HIF3A: variants seen among roughly 807,000 people sequenced by gnomAD.
HIF3A encodes the protein hypoxia-inducible factor 3-alpha.
A neutral mutation model predicts 67.2 loss-of-function variants in HIF3A; 41 were observed. The observed-to-expected ratio is 0.61, with a 90% CI of 0.48 to 0.79. HIF3A has a LOEUF of 0.79. HIF3A is among the 30% of genes least tolerant of loss of function. HIF3A has a pLI of 0.00. For missense variants in HIF3A, 855 were observed against 898.0 expected, an observed-to-expected ratio of 0.95 and a Z score of 0.61; for synonymous variants, 356 against 374.8, an observed-to-expected ratio of 0.95 and a Z score of 0.58.
At position 46,297,497 on chromosome 19, in the gene HIF3A, T is replaced by C. The variant is rs1035017701; in HGVS notation, c.26+395T>C. ...CCTCTGGCCTCTGAACCCCCCAAAA[T>C]TGAGGGTATTCTTTGCCACCAGGTG... On this transcript the variant is annotated intron_variant, in intron 1 of 14. Transcript: ENST00000377670. This position sits in a 1 kb window ranked among gnomAD's most constrained non-coding sequence, Gnocchi z 4.5. Among the ~76,000 whole-genome samples the C allele has an allele frequency of 2.6e-5, 4 of 152,054 alleles. No individual in the cohort carries two copies. The highest frequency in any genetic ancestry group is 9.7e-5 in the African/African-American group (4 of 41,406).
chr19:46,303,032 G>A (rs1043189899), intron 1 of HIF3A, among the ~76,000 whole-genome samples: 2 of 152,180 alleles, frequency 1.3e-5, no homozygotes, highest in African/African-American at 4.8e-5. Context: ...GTAGACCATT[G>A]TTTAAAGGCA....
At chr19:46,302,429 C>T (rs1968423743) in intron 1 of HIF3A, among the ~76,000 whole-genome samples, 1 of 151,112 alleles carries the variant, frequency 6.6e-6, no homozygotes. Flanking sequence ...TGCGCCCGGC[C>T]TGTTTTTTGT....
chr19:46,339,694 A>G lies in HIF3A; in HGVS notation c.*72A>G. The G allele has an allele frequency of 8.7e-7, 1 of 1,146,246 alleles. No individual in the cohort carries two copies. 71.0% of individuals were successfully genotyped at this position (1,146,246 alleles called of 1,614,324 possible). A position where few individuals can be genotyped will look rare whatever the true frequency, so the allele number is the denominator to read the frequency against. On this transcript the variant is annotated 3_prime_UTR_variant, in exon 15 of 15. Coordinates refer to ENST00000377670, the MANE Select transcript of HIF3A (RefSeq NM_152795.4). Reference sequence around the variant, plus strand: ...CAACCACACTCCACGCCGGCAGCCAACGCACAGGATGGGGGCGCCAGGAGA... The same window carrying G: ...CAACCACACTCCACGCCGGCAGCCAGCGCACAGGATGGGGGCGCCAGGAGA...
At position 46,312,630 on chromosome 19, in the gene HIF3A, C is replaced by A; in HGVS notation, c.1002C>A (p.Ile334=). ...SGGRGPQSES[I]VCVHFLISQV... ...GACGGGGCCCCCAGTCGGAGAGTAT[C>A]GTCTGTGTCCATTTTTTAATCAGGT... The change falls in exon 8 of 15, where the codon ATC becomes ATA. Residue 334 remains isoleucine (I), a synonymous_variant. Transcript: ENST00000377670. 1 of 1,567,062 alleles carries A rather than the reference C, an allele frequency of 6.4e-7. No homozygotes were observed. Among genetic ancestry groups the A allele is most frequent in the South Asian group, 1.2e-5 (1 of 84,058 alleles).
At chr19:46,307,549 A>T (rs888777641) in intron 3 of HIF3A, among the ~76,000 whole-genome samples, 1 of 152,178 alleles carries the variant, frequency 6.6e-6, no homozygotes, top group African/African-American at 2.4e-5. Context: ...GGAGTTCGAG[A>T]CCAACCTGGC....
At chr19:46,303,719 G>T in intron 1 of HIF3A, 179 bp from the exon 2 acceptor site, 1 of 1,562,400 alleles carries the variant, frequency 6.4e-7, no homozygotes, top group Non-Finnish European at 8.7e-7. Context: ...GCTCCACAGT[G>T]TAGCCCTTCC....
chr19:46,309,116 G>A, intron 5 of HIF3A, 35 bp from the exon 6 acceptor site: 3 of 1,577,246 alleles, frequency 1.9e-6, no homozygotes, highest in Non-Finnish European at 2.6e-6. Flanking sequence ...AGGCCCAGAG[G>A]CACCACTGCC....
intron 1 of HIF3A, among the ~76,000 whole-genome samples, chr19:46,298,041 C>G (rs547096780): frequency 3.2e-4 from 49 of 152,200 alleles, no homozygotes; most frequent in Admixed American, 2.7e-3. Flanking sequence ...GCCCTGGGGC[C>G]GCTGCCGGGG....
At chr19:46,331,297 T>G (rs768801100) in intron 13 of HIF3A, 24 bp downstream of exon 13, 1 of 1,569,368 alleles carries the variant, frequency 6.4e-7, no homozygotes, top group Non-Finnish European at 8.8e-7. Context: ...TTAATGGGAT[T>G]CTCTGGCCCT....
At chr19:46,309,387 C>T in intron 6 of HIF3A, 28 bp downstream of exon 6, 1 of 1,521,460 alleles carries the variant, frequency 6.6e-7, no homozygotes, top group African/African-American at 1.4e-5. Context: ...CTTCCGTCTG[C>T]CCAAGTTCAA....
At chr19:46,306,039 A>T (rs1370775516) in intron 3 of HIF3A, among the ~76,000 whole-genome samples, 2 of 152,210 alleles carry the variant, frequency 1.3e-5, no homozygotes, top group African/African-American at 2.4e-5. Flanking sequence ...AGATTGCACC[A>T]GTACACTCCA....
chr19:46,303,777 G>T (rs113691430), intron 1 of HIF3A, 121 bp from the exon 2 acceptor site: 2 of 1,493,234 alleles, frequency 1.3e-6, no homozygotes. Flanking sequence ...ATCGAGGCCT[G>T]CGCAGCCGCG....
chr19:46,306,594 T>G (rs1568504234), intron 3 of HIF3A: 1 of 152,256 alleles, frequency 6.6e-6, no homozygotes, highest in Non-Finnish European at 1.5e-5. Context: ...TAGAACTAAC[T>G]TTAATTCATC....
chr19:46,304,230 A>T (rs1601200845), intron 2 of HIF3A, 142 bp downstream of exon 2: 2 of 680,196 alleles, frequency 2.9e-6, no homozygotes, highest in Admixed American at 5.6e-5. Context: ...GCGGAGCCCC[A>T]CCCCCCTGGA....
At chr19:46,331,340 T>C in intron 13 of HIF3A, 67 bp downstream of exon 13, 2 of 1,305,770 alleles carry the variant, frequency 1.5e-6, no homozygotes, top group East Asian at 2.3e-5. Flanking sequence ...TACTGTTTTA[T>C]AGATAGGAAA....
chr19:46,321,111 C>G (rs563945151), intron 9 of HIF3A, among the ~76,000 whole-genome samples: 1 of 152,124 alleles, frequency 6.6e-6, no homozygotes, highest in Non-Finnish European at 1.5e-5. Context: ...TTTTCTGGCT[C>G]AGAGCTGGCT....
intron 1 of HIF3A, among the ~76,000 whole-genome samples, chr19:46,302,293 G>A (rs940420317): frequency 2.0e-5 from 3 of 152,004 alleles, no homozygotes; most frequent in Non-Finnish European, 4.4e-5. Context: ...ACCACGCCCA[G>A]CTAATTTTTT....
intron 8 of HIF3A, chr19:46,313,030 G>T (rs1298934314): frequency 2.1e-6 from 2 of 968,008 alleles, no homozygotes; most frequent in East Asian, 2.2e-4. Context: ...TGGGCGGATT[G>T]CCTGAGCTCA....
intron 11 of HIF3A, among the ~76,000 whole-genome samples, chr19:46,326,543 C>T (rs1970795343): frequency 6.6e-6 from 1 of 152,042 alleles, no homozygotes; most frequent in African/African-American, 2.4e-5. Context: ...ATACACTCAC[C>T]CACCTCTCAA....
Sources: allele counts gnomAD v4.1 joint callset (sites outside exome capture counted in the v4.1 genomes callset), GRCh38; gene constraint gnomAD v4.1.1; non-coding constraint Gnocchi (gnomAD v3.1); transcripts MANE v1.5; gene names NCBI Gene and HGNC (gene_info 2026-07-23, HGNC 2026-07-21).